Variants in WDR59 observed in about 807,000 individuals in gnomAD.
The protein encoded by WDR59 is WD repeat domain 59.
A neutral mutation model predicts 131.2 loss-of-function variants in WDR59; 100 were observed. That is an observed-to-expected ratio of 0.76 (90% confidence interval 0.65 to 0.90). The LOEUF is 0.90. Ranked by LOEUF, WDR59 falls within the 40% of genes least tolerant of loss-of-function variation. The pLI is 0.00. For missense variants in WDR59, 1,203 were observed against 1,262.2 expected, an observed-to-expected ratio of 0.95 and a Z score of 0.71; for synonymous variants, 601 against 466.2, an observed-to-expected ratio of 1.29 and a Z score of -3.72.
intron 13 of WDR59, among the ~76,000 whole-genome samples, chr16:74,913,818 T>C (rs1257629715): frequency 6.6e-6 from 1 of 152,182 alleles, no homozygotes; most frequent in Non-Finnish European, 1.5e-5. Context: ...ATGGGGTTTC[T>C]TCTGGGAATG....
At chr16:74,962,866 A>G (rs1187255073) in intron 2 of WDR59, 1 of 149,818 alleles carries the variant, frequency 6.7e-6, no homozygotes, top group African/African-American at 2.5e-5. Context: ...TGAGTAGGAG[A>G]GGTGAGAGAT....
In WDR59 at chr16:74,903,927, G is replaced by C. The variant is rs569384174; in HGVS notation, c.1866+20C>G. ...CCAGGAGAAGGGGTAAGAATCAAAG[G>C]CTACGGCTCTGGCACTTACCCGCTC... On this transcript the variant is annotated intron_variant, in intron 18 of 25. Coordinates refer to ENST00000262144, the MANE Select transcript of WDR59 (RefSeq NM_030581.4). The C allele has an allele frequency of 1.1e-5, 17 of 1,598,976 alleles. No homozygotes were observed. The South Asian group carries it at 1.2e-4, about 12-fold the overall frequency.
At chr16:74,939,944 A>C (rs1437017714) in intron 7 of WDR59, among the ~76,000 whole-genome samples, 1 of 152,162 alleles carries the variant, frequency 6.6e-6, no homozygotes, top group Non-Finnish European at 1.5e-5. Context: ...ATGATTGTGC[A>C]ACTGCACTCC....
At position 74,977,411 on chromosome 16, in the gene WDR59, G is replaced by T. The variant is rs192867729; in HGVS notation, c.54+7553C>A. ...TCTATAAGAAAGAGACAATGCAGCC[G>T]GGCGCGGTGGCTCGCGTCTGTAATC... On this transcript the variant is annotated intron_variant, in intron 1 of 25. Transcript: ENST00000262144. 3.4e-3 allele frequency among the ~76,000 whole-genome samples: 510 copies of T among 152,186 alleles called. 3 individuals carry two copies. Among genetic ancestry groups the T allele is most frequent in the African/African-American group, 0.012 (481 of 41,538 alleles).
chr16:74,925,077 A>T (rs1036757531), intron 8 of WDR59, among the ~76,000 whole-genome samples: 1 of 152,240 alleles, frequency 6.6e-6, no homozygotes, highest in African/African-American at 2.4e-5. Flanking sequence ...CCAAAAACCA[A>T]AAATGGTCCA....
chr16:74,901,826 G>A (rs539156819), intron 18 of WDR59, among the ~76,000 whole-genome samples: 1 of 152,214 alleles, frequency 6.6e-6, no homozygotes, highest in East Asian at 1.9e-4. Flanking sequence ...AGGTAAAGCA[G>A]CCCACGTAAG....
Position 74,918,798 on chromosome 16 carries a change from G to T in WDR59, c.887-790C>A, listed in dbSNP as rs775957654. 2.2e-4 allele frequency among the ~76,000 whole-genome samples: 33 copies of T among 152,174 alleles called. 1 individual carries two copies. Among genetic ancestry groups the T allele is most frequent in the Non-Finnish European group, 1.0e-4 (7 of 68,034 alleles). On this transcript the variant is annotated intron_variant, in intron 10 of 25. Coordinates refer to ENST00000262144, the MANE Select transcript of WDR59 (RefSeq NM_030581.4). The stretch of plus-strand genomic sequence containing the variant: ...TATGGATGGGGAAACTGAGGCAAGA[G>T]AATATGATCTGTCCAAGGTCACAGG...
rs879462108 is a variant in WDR59 at position 74,973,507 on chromosome 16, G to A, written c.55-7685C>T. On this transcript the variant is annotated intron_variant, in intron 1 of 25. Transcript: ENST00000262144. ...TCACTCTGTTGCCCCGGCTGGTCTCGAACCCCTGGGCTCAAGTGATGCACC... is the reference window on the plus strand; with the variant it reads ...TCACTCTGTTGCCCCGGCTGGTCTCAAACCCCTGGGCTCAAGTGATGCACC... Among the ~76,000 whole-genome samples the A allele has an allele frequency of 9.2e-5, 14 of 151,946 alleles. No individual in the cohort carries two copies. The South Asian group carries it at 1.0e-3, about 11-fold the overall frequency.
At chr16:74,897,335 G>A (rs1463280834) in intron 18 of WDR59, among the ~76,000 whole-genome samples, 2 of 152,194 alleles carry the variant, frequency 1.3e-5, no homozygotes, top group African/African-American at 4.8e-5. Context: ...GGGTTTGTTA[G>A]GATTAGGCAC....
chr16:74,933,659 T>C (rs1395456665), intron 8 of WDR59, among the ~76,000 whole-genome samples: 2 of 152,200 alleles, frequency 1.3e-5, no homozygotes, highest in African/African-American at 2.4e-5. Context: ...TGATCTCAGC[T>C]CACTGCAACC....
At chr16:74,979,486 AAAAC>A (rs1204025974) in intron 1 of WDR59, among the ~76,000 whole-genome samples, 15 of 109,986 alleles carry the variant, frequency 1.4e-4, no homozygotes, top group South Asian at 3.1e-4. Context: ...AAAACAAAAC[AAAAC>A]AAACAAACAA....
rs145848844 is a variant in WDR59, at chr16:74,923,534, G to C, written c.729+392C>G. Among the ~76,000 whole-genome samples, 380 of 152,164 alleles carry C rather than the reference G, an allele frequency of 2.5e-3. 3 individuals are homozygous for C. Among genetic ancestry groups the C allele is most frequent in the Non-Finnish European group, 4.3e-3 (290 of 68,010 alleles). On this transcript the variant is annotated intron_variant, in intron 9 of 25. Transcript: ENST00000262144. Reference sequence around the variant, plus strand: ...GCTCTGTCACCCAGGCTGGAGTGCAGTGGGGCGATCTCAGCTTACTGCAAG... The same window carrying C: ...GCTCTGTCACCCAGGCTGGAGTGCACTGGGGCGATCTCAGCTTACTGCAAG...
chr16:74,887,786 C>T (rs772190403), intron 22 of WDR59, 31 bp from the exon 23 acceptor site: 25 of 1,596,772 alleles, frequency 1.6e-5, no homozygotes, highest in Non-Finnish European at 2.1e-5. Context: ...ACCAACAGGA[C>T]TAGCATGAGA....
chr16:74,880,973 G>C (rs186237852), intron 25 of WDR59, among the ~76,000 whole-genome samples: 20 of 152,290 alleles, frequency 1.3e-4, no homozygotes, highest in Admixed American at 1.1e-3. Context: ...GTAAACTGTT[G>C]AACGAAATTT....
Position 74,886,367 on chromosome 16 carries a change from G to A in WDR59, c.2449C>T (p.Pro817Ser). Residue 817 changes from proline (P) to serine (S), a missense_variant, in exon 24 of 26, where the codon CCT becomes TCT. By Grantham distance (74) the Pro-to-Ser change is moderately conservative. Transcript: ENST00000262144. ...AGREAEHLSSPWGESSPEELR... is the reference protein window; with the variant it reads ...AGREAEHLSSSWGESSPEELR... ...TCTTCTGGTGAGGATTCTCCCCAAGGGGAGGACAAGTGCTCTGCCTCTCTT... is the reference window on the plus strand; with the variant it reads ...TCTTCTGGTGAGGATTCTCCCCAAGAGGAGGACAAGTGCTCTGCCTCTCTT... 6.2e-7 allele frequency: 1 copy of A among 1,613,780 alleles called. No individual in the cohort carries two copies. Among genetic ancestry groups the A allele is most frequent in the South Asian group, 1.1e-5 (1 of 91,060 alleles).
chr16:74,924,810 G>A (rs2030614645), intron 8 of WDR59, among the ~76,000 whole-genome samples: 1 of 152,106 alleles, frequency 6.6e-6, no homozygotes, highest in Non-Finnish European at 1.5e-5. Context: ...TAATAGAGAT[G>A]GGATCTTGCC....
At chr16:74,969,124 C>G (rs1291776669) in intron 1 of WDR59, among the ~76,000 whole-genome samples, 1 of 152,122 alleles carries the variant, frequency 6.6e-6, no homozygotes, top group East Asian at 1.9e-4. Flanking sequence ...GAGGGGAAGC[C>G]CTGCAATGAC....
intron 1 of WDR59, among the ~76,000 whole-genome samples, chr16:74,981,462 G>A (rs1428626907): frequency 6.7e-6 from 1 of 150,010 alleles, no homozygotes; most frequent in Non-Finnish European, 1.5e-5. Flanking sequence ...GGAGACTGAG[G>A]TGGGAAGATC....
rs1474541747 is a variant in WDR59, at chr16:74,956,530, A to G, written c.185T>C (p.Ile62Thr). ...RKISRQSKWD[I>T]GAVQWNPHDS... ...ATGAGGATTCCACTGCACAGCTCCA[A>G]TGTCCCATTTGCTCTGGCGAGAGAT... The change falls in exon 3 of 26, where the codon ATT becomes ACT. Residue 62 changes from isoleucine to threonine, a missense_variant. Physicochemically the swap from Ile to Thr is moderately conservative, Grantham distance 89. Coordinates refer to ENST00000262144, the MANE Select transcript of WDR59 (RefSeq NM_030581.4). 3.1e-6 allele frequency: 5 copies of G among 1,613,980 alleles called. No homozygotes were observed. The highest frequency in any genetic ancestry group is 1.3e-5 in the African/African-American group (1 of 74,906).
Sources: allele counts gnomAD v4.1 joint callset (sites outside exome capture counted in the v4.1 genomes callset), GRCh38; gene constraint gnomAD v4.1.1; transcripts MANE v1.5; gene names NCBI Gene and HGNC (gene_info 2026-07-23, HGNC 2026-07-21).